Variants in PDLIM5 observed in about 807,000 individuals in gnomAD.
The protein encoded by PDLIM5 is PDZ and LIM domain protein 5.
In PDLIM5, 34 loss-of-function variants were observed where a neutral mutation model predicts 64.2. The ratio of observed to expected loss-of-function variants is 0.53; its 90% CI spans 0.40 to 0.71. The LOEUF is 0.71. Among genes scored for constraint, PDLIM5 ranks in the 30% least tolerant of loss-of-function variants. The pLI is 0.00. For synonymous variants in PDLIM5, 253 were observed against 269.1 expected (o/e 0.94, Z 0.59); for missense variants, 683 against 733.6 (o/e 0.93, Z 0.80).
rs1369231177 is a variant in PDLIM5 at position 94,642,666 on chromosome 4, C to T, written c.1283+2216C>T. Among the ~76,000 whole-genome samples the T allele has an allele frequency of 2.6e-5, 4 of 152,300 alleles. No homozygotes were observed. In the East Asian group the frequency reaches 7.7e-4, roughly 29 times the overall value. ...TCATGTAACAGTAATTAACATAGCA[C>T]ATTTGCCTGGTGCTCAAATGCTTAA... On this transcript the variant is annotated intron_variant, in intron 9 of 12. Transcript: ENST00000317968.
At chr4:94,512,670 T>C (rs1728997738) in intron 2 of PDLIM5, among the ~76,000 whole-genome samples, 1 of 152,162 alleles carries the variant, frequency 6.6e-6, no homozygotes, top group South Asian at 2.1e-4. Flanking sequence ...GCAATTTTTT[T>C]CTCCTATTCT....
chr4:94,584,973 T>C, intron 5 of PDLIM5: 14 of 1,523,158 alleles, frequency 9.2e-6, no homozygotes, highest in Non-Finnish European at 1.2e-5. Context: ...TGCCTTCCTC[T>C]GTCAATTAAA....
intron 8 of PDLIM5, among the ~76,000 whole-genome samples, chr4:94,619,378 C>T (rs1294754417): frequency 6.7e-6 from 1 of 149,168 alleles, no homozygotes; most frequent in African/African-American, 2.5e-5. Flanking sequence ...CGGTGGCTCA[C>T]GCCTGTAATC....
At chr4:94,625,579 A>G (rs1469522476) in intron 8 of PDLIM5, among the ~76,000 whole-genome samples, 1 of 151,858 alleles carries the variant, frequency 6.6e-6, no homozygotes. Context: ...CAGCCCCCCA[A>G]GTAGCTGGGA....
chr4:94,491,915 A>G (rs1726912793), intron 2 of PDLIM5, among the ~76,000 whole-genome samples: 1 of 151,810 alleles, frequency 6.6e-6, no homozygotes, highest in Non-Finnish European at 1.5e-5. Flanking sequence ...AAACATTTGA[A>G]GTTTATTCTC....
At chr4:94,590,935 A>T (rs558841833) in intron 7 of PDLIM5, among the ~76,000 whole-genome samples, 2 of 152,164 alleles carry the variant, frequency 1.3e-5, no homozygotes, top group Non-Finnish European at 2.9e-5. Flanking sequence ...GTGCTCATCT[A>T]GTTGGTACCA....
intron 2 of PDLIM5, among the ~76,000 whole-genome samples, chr4:94,461,899 G>GT (rs1723916484): frequency 6.6e-6 from 1 of 152,162 alleles, no homozygotes; most frequent in Non-Finnish European, 1.5e-5. Flanking sequence ...AGGCTGCAGC[G>GT]TGTCACCCAG....
At chr4:94,542,767 C>G (rs3792664) in intron 3 of PDLIM5, among the ~76,000 whole-genome samples, 24,344 of 151,998 alleles carry the variant, frequency 0.16, 2,150 homozygotes, top group African/African-American at 0.21. Flanking sequence ...TTAATAGGAG[C>G]GAATGCTACT....
chr4:94,633,839 A>G (rs937286500), intron 8 of PDLIM5, among the ~76,000 whole-genome samples: 1 of 152,190 alleles, frequency 6.6e-6, no homozygotes, highest in Non-Finnish European at 1.5e-5. Flanking sequence ...GCTGTTTTGT[A>G]TAGGATGGTC....
intron 2 of PDLIM5, among the ~76,000 whole-genome samples, chr4:94,484,754 G>A (rs1255810273): frequency 6.6e-6 from 1 of 152,162 alleles, no homozygotes; most frequent in Non-Finnish European, 1.5e-5. Context: ...GCTATTTACT[G>A]CCTTAGCTAT....
chr4:94,539,972 G>A (rs1342217290), intron 3 of PDLIM5, among the ~76,000 whole-genome samples: 3 of 151,952 alleles, frequency 2.0e-5, no homozygotes, highest in Admixed American at 6.6e-5. Flanking sequence ...GGGAAACTGT[G>A]GAAGAGTTTT....
chr4:94,639,633 AG>A (rs1462607789), intron 8 of PDLIM5, among the ~76,000 whole-genome samples: 1 of 152,222 alleles, frequency 6.6e-6, no homozygotes, highest in Non-Finnish European at 1.5e-5. Flanking sequence ...GAGAGAATAT[AG>A]TGAGTTAATT....
intron 2 of PDLIM5, among the ~76,000 whole-genome samples, chr4:94,513,839 A>G (rs946550212): frequency 1.3e-5 from 2 of 152,198 alleles, no homozygotes; most frequent in Non-Finnish European, 2.9e-5. Flanking sequence ...TTCCCCATTC[A>G]GTATGATACT....
intron 4 of PDLIM5, among the ~76,000 whole-genome samples, chr4:94,574,498 CAA>C (rs70946534): frequency 3.0e-3 from 294 of 96,440 alleles, no homozygotes; most frequent in African/African-American, 0.01. Flanking sequence ...ACTCCTGTCT[CAA>C]AAAAAAAAAA....
intron 2 of PDLIM5, chr4:94,456,491 C>T (rs1456812109): frequency 2.8e-6 from 2 of 703,086 alleles, no homozygotes; most frequent in African/African-American, 3.5e-5. Context: ...AGCCACCGTG[C>T]CTGGCCCACA....
intron 2 of PDLIM5, among the ~76,000 whole-genome samples, chr4:94,465,581 C>CT (rs932935565): frequency 2.0e-5 from 3 of 151,472 alleles, no homozygotes; most frequent in African/African-American, 4.9e-5. Flanking sequence ...TTGTATTTTT[C>CT]TTTTTTTTCA....
chr4:94,533,690 T>A (rs1384105042), intron 3 of PDLIM5, among the ~76,000 whole-genome samples: 1 of 152,222 alleles, frequency 6.6e-6, no homozygotes, highest in African/African-American at 2.4e-5. Context: ...GTAAAGAACC[T>A]AGGACATAAT....
intron 2 of PDLIM5, among the ~76,000 whole-genome samples, chr4:94,509,869 G>C (rs933599043): frequency 6.6e-6 from 1 of 152,134 alleles, no homozygotes. Context: ...TTAAGGCTGG[G>C]TCTGCCTTTC....
At chr4:94,475,222 G>A (rs956292077) in intron 2 of PDLIM5, among the ~76,000 whole-genome samples, 31 of 152,112 alleles carry the variant, frequency 2.0e-4, no homozygotes, top group Middle Eastern at 6.8e-3. Flanking sequence ...ATAAAGGAGG[G>A]ACTTATTCTA....
Sources: gnomAD v4.1 joint callset for allele counts (sites outside exome capture counted in the v4.1 genomes callset) on GRCh38, gnomAD v4.1.1 for gene constraint, MANE v1.5 for transcripts, NCBI Gene and HGNC (gene_info 2026-07-23, HGNC 2026-07-21) for gene names.